CADM2: variants seen among roughly 807,000 people sequenced by gnomAD.
CADM2 encodes the protein cell adhesion molecule 2, also known as immunoglobulin superfamily member 4D.
CADM2 carries 12 observed loss-of-function variants against 49.8 expected under a neutral mutation model. The observed-to-expected ratio is 0.24, with a 90% CI of 0.15 to 0.39. The LOEUF (loss-of-function observed/expected upper bound fraction) is 0.39, where lower values mean the gene tolerates loss of function less well. Among genes scored for constraint, CADM2 ranks in the 10% least tolerant of loss-of-function variants. The pLI is 1.00. For synonymous variants in CADM2, 214 were observed against 175.4 expected (o/e 1.22, Z -1.74); for missense variants, 378 against 492.3 (o/e 0.77, Z 2.20).
At chr3:85,572,885 C>T (rs963150957) in intron 1 of CADM2, among the ~76,000 whole-genome samples, 2 of 152,128 alleles carry the variant, frequency 1.3e-5, no homozygotes, top group African/African-American at 4.8e-5. Flanking sequence ...TTTATCTCCT[C>T]TGGAAACATA....
chr3:85,886,725 C>T (rs1158745827), intron 5 of CADM2, among the ~76,000 whole-genome samples: 4 of 151,996 alleles, frequency 2.6e-5, no homozygotes, highest in Admixed American at 1.3e-4. Flanking sequence ...AACTTAGTTT[C>T]GGGAATTATA....
chr3:85,598,170 TAAAAA>T (rs2063298037), intron 1 of CADM2, among the ~76,000 whole-genome samples: 1 of 151,774 alleles, frequency 6.6e-6, no homozygotes, highest in South Asian at 2.1e-4. Flanking sequence ...AAAAATAAAA[TAAAAA>T]TAAAAAACAC....
intron 1 of CADM2, among the ~76,000 whole-genome samples, chr3:85,418,646 G>A (rs965701886): frequency 2.0e-5 from 3 of 151,976 alleles, no homozygotes; most frequent in African/African-American, 7.2e-5. Flanking sequence ...AGAAAAATAG[G>A]TAAATTGTTA....
intron 1 of CADM2, among the ~76,000 whole-genome samples, chr3:85,251,568 T>A (rs569669953): frequency 2.0e-5 from 3 of 151,952 alleles, no homozygotes; most frequent in South Asian, 2.1e-4. Flanking sequence ...TTGAAAAAAA[T>A]TTTGAAGAGT....
chr3:85,064,695 TA>T (rs935478477), intron 1 of CADM2, among the ~76,000 whole-genome samples: 3 of 152,136 alleles, frequency 2.0e-5, no homozygotes, highest in African/African-American at 7.2e-5. Context: ...AGTAAATATT[TA>T]GACATACTGG....
chr3:85,294,635 G>T (rs1425934442), intron 1 of CADM2, among the ~76,000 whole-genome samples: 12 of 151,800 alleles, frequency 7.9e-5, no homozygotes, highest in African/African-American at 2.2e-4. Context: ...AAATAACGCT[G>T]CATATCTACA....
At chr3:85,083,275 C>CG (rs2037241901) in intron 1 of CADM2, among the ~76,000 whole-genome samples, 1 of 152,042 alleles carries the variant, frequency 6.6e-6, no homozygotes, top group Non-Finnish European at 1.5e-5. Context: ...ATTGTGAAAA[C>CG]GGTGTTGCCC....
At chr3:85,383,434 A>C (rs937539025) in intron 1 of CADM2, among the ~76,000 whole-genome samples, 3 of 150,442 alleles carry the variant, frequency 2.0e-5, no homozygotes, top group African/African-American at 7.3e-5. Flanking sequence ...GAAATATATC[A>C]GTCATATTTT....
intron 1 of CADM2, among the ~76,000 whole-genome samples, chr3:85,236,710 A>G (rs1467207661): frequency 1.3e-5 from 2 of 152,110 alleles, no homozygotes; most frequent in Non-Finnish European, 2.9e-5. Flanking sequence ...TCTACCAACC[A>G]TCATTGGCTC....
chr3:85,485,031 T>A (rs1309093757), intron 1 of CADM2, among the ~76,000 whole-genome samples: 4 of 151,864 alleles, frequency 2.6e-5, no homozygotes, highest in African/African-American at 4.8e-5. Flanking sequence ...AGCAAAACAA[T>A]GTGATGAAGA....
chr3:85,461,444 G>T (rs935640869), intron 1 of CADM2, among the ~76,000 whole-genome samples: 1 of 152,058 alleles, frequency 6.6e-6, no homozygotes, highest in African/African-American at 2.4e-5. Context: ...ATACTTTTTA[G>T]TAAAATCATT....
At chr3:85,516,531 T>A (rs2060907413) in intron 1 of CADM2, among the ~76,000 whole-genome samples, 2 of 152,124 alleles carry the variant, frequency 1.3e-5, no homozygotes, top group African/African-American at 4.8e-5. Context: ...CATACTCTTT[T>A]CAATTACCAG....
chr3:85,086,259 T>A (rs1440080029), intron 1 of CADM2, among the ~76,000 whole-genome samples: 1 of 152,086 alleles, frequency 6.6e-6, no homozygotes, highest in Non-Finnish European at 1.5e-5. Context: ...TTATGTATAT[T>A]ATTTTTTCCA....
At chr3:84,992,555 G>A (rs570259836) in intron 1 of CADM2, among the ~76,000 whole-genome samples, 2 of 152,228 alleles carry the variant, frequency 1.3e-5, no homozygotes, top group South Asian at 4.2e-4. Context: ...CTTGAACCCA[G>A]GAGGCGGAGG....
chr3:85,593,165 A>G (rs1379362356), intron 1 of CADM2, among the ~76,000 whole-genome samples: 2 of 151,288 alleles, frequency 1.3e-5, no homozygotes, highest in East Asian at 3.9e-4. Context: ...TCCTTTTAAT[A>G]AGATTTTTTA....
At chr3:85,806,750 C>A (rs1404700756) in intron 3 of CADM2, among the ~76,000 whole-genome samples, 1 of 150,600 alleles carries the variant, frequency 6.6e-6, no homozygotes, top group East Asian at 1.9e-4. Flanking sequence ...CAAAACAAAA[C>A]AAAACAAACA....
intron 8 of CADM2, among the ~76,000 whole-genome samples, chr3:85,981,499 C>T (rs977166783): frequency 1.3e-5 from 2 of 151,460 alleles, no homozygotes; most frequent in Non-Finnish European, 3.0e-5. Context: ...TTGATCCTCA[C>T]CCTCCTGGAC....
At chr3:86,016,183 A>C (rs1486888661) in intron 8 of CADM2, among the ~76,000 whole-genome samples, 2 of 152,142 alleles carry the variant, frequency 1.3e-5, no homozygotes, top group Non-Finnish European at 2.9e-5. Context: ...GGTAAAGTAC[A>C]TAAATGGAAA....
intron 1 of CADM2, among the ~76,000 whole-genome samples, chr3:85,383,531 T>C (rs2034029147): frequency 6.9e-6 from 1 of 145,144 alleles, no homozygotes; most frequent in South Asian, 2.1e-4. Context: ...TATATATATA[T>C]ATATATACAT....
Sources: allele counts gnomAD v4.1 joint callset (sites outside exome capture counted in the v4.1 genomes callset), GRCh38; gene constraint gnomAD v4.1.1; transcripts MANE v1.5; gene names NCBI Gene and HGNC (gene_info 2026-07-23, HGNC 2026-07-21).